Variants in PHACTR1 observed in about 807,000 individuals in gnomAD.
PHACTR1 encodes the protein RPEL repeat containing 1.
A neutral mutation model predicts 69.2 loss-of-function variants in PHACTR1; 16 were observed. The ratio of observed to expected loss-of-function variants is 0.23; its 90% confidence interval spans 0.16 to 0.35. PHACTR1 has a LOEUF of 0.35. Ranked by LOEUF, PHACTR1 falls within the 10% of genes least tolerant of loss-of-function variation. The pLI, the probability that PHACTR1 is intolerant of heterozygous loss-of-function variation, is 1.00. For missense variants in PHACTR1, 510 were observed against 734.7 expected (o/e 0.69, Z 3.54); for synonymous variants, 312 against 284.5 (o/e 1.10, Z -0.97).
intron 5 of PHACTR1, among the ~76,000 whole-genome samples, chr6:13,089,394 G>A (rs1046783275): frequency 2.6e-5 from 4 of 152,162 alleles, no homozygotes; most frequent in Non-Finnish European, 5.9e-5. Flanking sequence ...GTATAGAAGG[G>A]CAGATCTGGG....
intron 4 of PHACTR1, among the ~76,000 whole-genome samples, chr6:12,899,427 T>G (rs1471508600): frequency 6.6e-6 from 1 of 152,226 alleles, no homozygotes; most frequent in East Asian, 1.9e-4. Context: ...TATCTGTATG[T>G]CATAAACTGT....
chr6:13,206,182 T>G (rs1252637464), intron 8 of PHACTR1, 46 bp downstream of exon 8: 2 of 1,482,952 alleles, frequency 1.3e-6, no homozygotes, highest in South Asian at 2.6e-5. Flanking sequence ...AGGGGTTGGC[T>G]GGGGAGGGGG....
intron 4 of PHACTR1, among the ~76,000 whole-genome samples, chr6:12,826,900 T>C (rs532178393): frequency 6.6e-6 from 1 of 152,336 alleles, no homozygotes; most frequent in Non-Finnish European, 1.5e-5. Flanking sequence ...GACCAACGAG[T>C]TCCATTGGAC....
intron 8 of PHACTR1, among the ~76,000 whole-genome samples, chr6:13,213,130 G>A (rs1767134162): frequency 1.3e-5 from 2 of 152,150 alleles, no homozygotes; most frequent in Admixed American, 6.5e-5. Flanking sequence ...AAGAATAACT[G>A]AATGAATGGA....
chr6:12,966,698 A>C (rs1793544102), intron 4 of PHACTR1, among the ~76,000 whole-genome samples: 1 of 152,094 alleles, frequency 6.6e-6, no homozygotes, highest in Non-Finnish European at 1.5e-5. Context: ...ATATTGCAAA[A>C]GGGTGGTTAA....
chr6:12,758,915 G>C (rs889584947), intron 4 of PHACTR1, among the ~76,000 whole-genome samples: 2 of 152,012 alleles, frequency 1.3e-5, no homozygotes, highest in Non-Finnish European at 2.9e-5. Flanking sequence ...TTGAGGTCAG[G>C]AGTTCGAGAC....
chr6:12,828,140 ACT>A (rs1310157344), intron 4 of PHACTR1, among the ~76,000 whole-genome samples: 1 of 152,094 alleles, frequency 6.6e-6, no homozygotes, highest in Non-Finnish European at 1.5e-5. Flanking sequence ...TAGAGTTGTC[ACT>A]CTGTGATTTT....
chr6:12,862,002 A>G (rs1230308969), intron 4 of PHACTR1, among the ~76,000 whole-genome samples: 1 of 152,240 alleles, frequency 6.6e-6, no homozygotes, highest in Admixed American at 6.5e-5. Flanking sequence ...TACCATGTGT[A>G]AGTTACTATG....
At chr6:13,200,399 C>CG (rs1258038738) in intron 7 of PHACTR1, among the ~76,000 whole-genome samples, 1 of 151,404 alleles carries the variant, frequency 6.6e-6, no homozygotes, top group Non-Finnish European at 1.5e-5. Context: ...TTAGTAGAGA[C>CG]GGGGTCAAAG....
intron 6 of PHACTR1, among the ~76,000 whole-genome samples, chr6:13,164,539 CCT>C (rs1166828704): frequency 6.6e-6 from 1 of 152,192 alleles, no homozygotes; most frequent in African/African-American, 2.4e-5. Context: ...CCAGGCCCCA[CCT>C]CTGTTTGTGC....
chr6:12,756,572 T>C (rs1767347753), intron 4 of PHACTR1, among the ~76,000 whole-genome samples: 1 of 152,218 alleles, frequency 6.6e-6, no homozygotes, highest in Non-Finnish European at 1.5e-5. Context: ...AATATCACAC[T>C]AGTAGTTGTT....
Position 13,179,628 on chromosome 6 carries a change from C to T in PHACTR1, c.497-2891C>T, listed in dbSNP as rs1468555857. On this transcript the variant is annotated intron_variant, in intron 6 of 14. Coordinates refer to ENST00000332995, the MANE Select transcript of PHACTR1 (RefSeq NM_030948.6). The surrounding 1 kb of genome is among the most constrained non-coding windows in gnomAD (Gnocchi z 4.2). ...CATTTCTTTCTACTAGATATGTATA[C>T]ACATATATGGATGGATGGGTGGTTG... Among the ~76,000 whole-genome samples, 1 of 151,246 alleles carries T rather than the reference C, an allele frequency of 6.6e-6. No homozygotes were observed. Among genetic ancestry groups the T allele is most frequent in the Admixed American group, 6.6e-5 (1 of 15,182 alleles).
At chr6:13,128,696 G>T (rs1487791085) in intron 5 of PHACTR1, among the ~76,000 whole-genome samples, 1 of 152,018 alleles carries the variant, frequency 6.6e-6, no homozygotes, top group Admixed American at 6.6e-5. Context: ...CCCTGAGGAA[G>T]AAGAGAAATC....
chr6:12,960,663 T>C (rs1270460863), intron 4 of PHACTR1, among the ~76,000 whole-genome samples: 1 of 152,136 alleles, frequency 6.6e-6, no homozygotes, highest in East Asian at 1.9e-4. Flanking sequence ...CTAATGGATG[T>C]AGTGGGTTTG....
At chr6:13,054,074 A>G (rs1338244978) in intron 5 of PHACTR1, among the ~76,000 whole-genome samples, 1 of 152,218 alleles carries the variant, frequency 6.6e-6, no homozygotes, top group South Asian at 2.1e-4. Context: ...TGTGGGGGAA[A>G]TCAGCACAGC....
intron 5 of PHACTR1, among the ~76,000 whole-genome samples, chr6:13,141,687 A>C (rs1475855206): frequency 1.0e-5 from 1 of 95,624 alleles, no homozygotes; most frequent in Admixed American, 9.7e-5. Flanking sequence ...TTTCTTCTCT[A>C]TTTTCTTTAT....
intron 5 of PHACTR1, among the ~76,000 whole-genome samples, chr6:13,138,066 A>G (rs966955401): frequency 2.6e-5 from 4 of 152,216 alleles, no homozygotes; most frequent in African/African-American, 9.6e-5. Flanking sequence ...CCCAGTGTAT[A>G]CTGAGCTCAA....
chr6:12,940,061 T>C lies in PHACTR1; in HGVS notation c.251-113304T>C, dbSNP rs188839870. On this transcript the variant is annotated intron_variant, in intron 4 of 14. Coordinates refer to ENST00000332995, the MANE Select transcript of PHACTR1 (RefSeq NM_030948.6). The stretch of plus-strand genomic sequence containing the variant: ...ATAAGAGAGACAAATACATGATTCA[T>C]TTCCCCCCTGCTGTTAGTTTAAGAT... Among the ~76,000 whole-genome samples the C allele has an allele frequency of 2.2e-3, 338 of 152,280 alleles. 2 individuals are homozygous for C. The highest frequency in any genetic ancestry group is 7.6e-3 in the African/African-American group (315 of 41,552).
At chr6:12,890,445 T>C (rs951224646) in intron 4 of PHACTR1, among the ~76,000 whole-genome samples, 21 of 152,036 alleles carry the variant, frequency 1.4e-4, no homozygotes, top group African/African-American at 5.1e-4. Flanking sequence ...TGGCTTCCAC[T>C]TCACTCAGAG....
Sources: gnomAD v4.1 joint callset for allele counts (sites outside exome capture counted in the v4.1 genomes callset) on GRCh38, gnomAD v4.1.1 for gene constraint, Gnocchi (gnomAD v3.1) non-coding constraint, MANE v1.5 for transcripts, NCBI Gene and HGNC (gene_info 2026-07-23, HGNC 2026-07-21) for gene names.